ASB16: variants seen among roughly 807,000 people sequenced by gnomAD.
ASB16 encodes ankyrin repeat and SOCS box protein 16.
ASB16 carries 44 observed loss-of-function variants against 39.1 expected under a neutral mutation model. The observed-to-expected ratio is 1.13, with a 90% CI of 0.88 to 1.45. The LOEUF is 1.45. Ranked by LOEUF, ASB16 falls within the 40% of genes most tolerant of loss-of-function variation. The pLI is 0.00. For synonymous variants in ASB16, 305 were observed against 286.7 expected (o/e 1.06, Z -0.64); for missense variants, 698 against 634.5 (o/e 1.10, Z -1.07).
In ASB16 at chr17:44,178,482, T is replaced by C; in HGVS notation, c.*92T>C. 1 of 1,357,686 alleles carries C rather than the reference T, an allele frequency of 7.4e-7. No homozygotes were observed. Among genetic ancestry groups the C allele is most frequent in the Non-Finnish European group, 9.9e-7 (1 of 1,010,750 alleles). 84.1% of individuals were successfully genotyped at this position (1,357,686 alleles called of 1,614,324 possible). On this transcript the variant is annotated 3_prime_UTR_variant, in exon 5 of 5. Transcript: ENST00000293414. Reference sequence around the variant, plus strand: ...GGACCAGTTCCTGGCCCTCTTTTCTTTTCTTTTTGAGACCTAGTCTCACTC... The same window carrying C: ...GGACCAGTTCCTGGCCCTCTTTTCTCTTCTTTTTGAGACCTAGTCTCACTC...
In ASB16 at chr17:44,177,025, C is replaced by G. The variant is rs982685334; in HGVS notation, c.857C>G (p.Thr286Arg). The change falls in exon 3 of 5, where the codon ACG becomes AGG. Residue 286 changes from threonine (T) to arginine (R), a missense_variant. Thr to Arg is a moderately conservative substitution (Grantham distance 71). Transcript: ENST00000293414. Reference sequence around the variant, plus strand: ...CGGGCGGCCGGGCGCAAGCGCCACACGCCGCTGCACAACGCTTGTGCCAAC... The same window carrying G: ...CGGGCGGCCGGGCGCAAGCGCCACAGGCCGCTGCACAACGCTTGTGCCAAC... ...DARAAGRKRH[T>R]PLHNACANGC... 2 of 1,489,854 alleles carry G rather than the reference C, an allele frequency of 1.3e-6. No homozygotes were observed. Among genetic ancestry groups the G allele is most frequent in the Non-Finnish European group, 1.8e-6 (2 of 1,132,572 alleles). The allele number at this position is 1,489,854 out of a possible 1,614,324, so 92.3% of individuals were successfully genotyped here.
rs1385665870 is a variant in ASB16 at position 44,178,682 on chromosome 17, G to C, written c.*292G>C. The C allele has an allele frequency of 7.2e-6, 3 of 416,938 alleles. No individual in the cohort carries two copies. Among genetic ancestry groups the C allele is most frequent in the Non-Finnish European group, 1.3e-5 (3 of 227,702 alleles). The allele number at this position is 416,938 out of a possible 1,614,324, so 25.8% of individuals were successfully genotyped here. A position where few individuals can be genotyped will look rare whatever the true frequency, so the allele number is the denominator to read the frequency against. On this transcript the variant is annotated 3_prime_UTR_variant, in exon 5 of 5. Transcript: ENST00000293414. ...AGACAGGGTCTCACCATGTTGGCCAGGCTGGTCTCACACTGACCTCAGGTG... is the reference window on the plus strand; with the variant it reads ...AGACAGGGTCTCACCATGTTGGCCACGCTGGTCTCACACTGACCTCAGGTG...
intron 1 of ASB16, 104 bp from the exon 2 acceptor site, chr17:44,171,942 T>C: frequency 8.0e-7 from 1 of 1,248,630 alleles, no homozygotes; most frequent in East Asian, 2.5e-5. Flanking sequence ...CAGCAAACCA[T>C]GCAGAGGGAA....
Position 44,177,637 on chromosome 17 carries a change from G to T in ASB16, c.1091G>T (p.Arg364Leu). 2 of 1,613,866 alleles carry T rather than the reference G, an allele frequency of 1.2e-6. No homozygotes were observed. The highest frequency in any genetic ancestry group is 1.7e-6 in the Non-Finnish European group (2 of 1,179,842). Reference protein sequence around the residue: ...EMLKHCANFPRALEVLLNAYP... With the variant: ...EMLKHCANFPLALEVLLNAYP... The stretch of plus-strand genomic sequence containing the variant: ...CTGAAACACTGCGCCAACTTCCCTC[G>T]GGCCCTGGAAGTCCTGCTTAATGCC... Residue 364 changes from arginine to leucine, a missense_variant, in exon 4 of 5, where the codon CGG becomes CTG. Transcript: ENST00000293414.
intron 2 of ASB16, among the ~76,000 whole-genome samples, chr17:44,175,447 A>C (rs2054280401): frequency 6.6e-6 from 1 of 151,966 alleles, no homozygotes; most frequent in Non-Finnish European, 1.5e-5. Context: ...TTGGAAACAA[A>C]AATTAGCCCC....
intron 2 of ASB16, among the ~76,000 whole-genome samples, chr17:44,175,216 G>A (rs185134827): frequency 4.0e-5 from 6 of 151,196 alleles, no homozygotes; most frequent in East Asian, 1.9e-4. Flanking sequence ...TGGCTAACAC[G>A]GTGAAACCCC....
In ASB16 at chr17:44,177,643, TG is replaced by T. The variant is rs753976530; in HGVS notation, c.1099del (p.Glu367LysfsTer39). Reference sequence around the variant, plus strand: ...CACTGCGCCAACTTCCCTCGGGCCCTGGAAGTCCTGCTTAATGCCTATCCTT... The same window carrying T: ...CACTGCGCCAACTTCCCTCGGGCCCTGAAGTCCTGCTTAATGCCTATCCTT... ...LKHCANFPRA[L>X]EVLLNAYPCV... On this transcript the variant is annotated frameshift_variant, in exon 4 of 5. Transcript: ENST00000293414. LOFTEE classifies it high-confidence loss of function. 3.0e-5 allele frequency: 48 copies of T among 1,613,722 alleles called. No homozygotes were observed. Among genetic ancestry groups the T allele is most frequent in the Non-Finnish European group, 2.5e-5 (29 of 1,179,826 alleles).
chr17:44,177,163 C>G lies in ASB16; in HGVS notation c.995C>G (p.Pro332Arg). The G allele has an allele frequency of 6.5e-7, 1 of 1,529,594 alleles. No homozygotes were observed. The highest frequency in any genetic ancestry group is 2.4e-5 in the East Asian group (1 of 40,846). 94.8% of individuals were successfully genotyped at this position (1,529,594 alleles called of 1,614,324 possible). The change falls in exon 3 of 5, where the codon CCC becomes CGC. Residue 332 changes from proline to arginine, a missense_variant. Pro to Arg is a moderately radical substitution (Grantham distance 103, BLOSUM62 -2). Coordinates refer to ENST00000293414, the MANE Select transcript of ASB16 (RefSeq NM_080863.5). Reference sequence around the variant, plus strand: ...GCGCTGCAGGCCGTCCAGGACTCCCCCAACTGGGAGCCTGAAGTCCTTTTC... The same window carrying G: ...GCGCTGCAGGCCGTCCAGGACTCCCGCAACTGGGAGCCTGAAGTCCTTTTC... Reference protein sequence around the residue: ...DCALQAVQDSPNWEPEVLFAA... With the variant: ...DCALQAVQDSRNWEPEVLFAA...
At chr17:44,173,299 A>G (rs558260781) in intron 2 of ASB16, among the ~76,000 whole-genome samples, 19 of 151,726 alleles carry the variant, frequency 1.3e-4, no homozygotes, top group African/African-American at 4.4e-4. Flanking sequence ...AGGCTGAGGC[A>G]GGAGAATCGC....
At chr17:44,174,035 C>CT (rs1567730931) in intron 2 of ASB16, among the ~76,000 whole-genome samples, 6 of 127,804 alleles carry the variant, frequency 4.7e-5, no homozygotes, top group African/African-American at 6.5e-5. Context: ...CCACACCTGG[C>CT]TATTTTTTTT....
chr17:44,173,575 C>T (rs2054260548), intron 2 of ASB16, among the ~76,000 whole-genome samples: 1 of 151,972 alleles, frequency 6.6e-6, no homozygotes, highest in Non-Finnish European at 1.5e-5. Context: ...AGCCTCTAGT[C>T]CTAGCTACTC....
At position 44,176,930 on chromosome 17, in the gene ASB16, C is replaced by G. The variant is rs141590219; in HGVS notation, c.762C>G (p.Ala254=). ...ETALNTACAG[A]EGPGSCRRHQ... ...CGCTGAACACGGCGTGCGCTGGGGC[C>G]GAGGGCCCAGGTAGCTGCAGGCGAC... Residue 254 remains alanine, a synonymous_variant, in exon 3 of 5, where the codon GCC becomes GCG. Transcript: ENST00000293414. The G allele has an allele frequency of 1.8e-5, 28 of 1,538,108 alleles. No individual in the cohort carries two copies. The East Asian group carries it at 4.1e-4, about 23-fold the overall frequency.
chr17:44,178,073 T>G (rs1307650606), intron 4 of ASB16, 132 bp from the exon 5 acceptor site: 1 of 952,296 alleles, frequency 1.1e-6, no homozygotes, highest in Non-Finnish European at 1.6e-6. Context: ...TCTATGGTTC[T>G]GAATCTGAGT....
Position 44,177,095 on chromosome 17 carries a change from C to T in ASB16, c.927C>T (p.Arg309=), listed in dbSNP as rs2054306529. ...AGCTGCTGCTGCGTTACGGGGCCCG[C>T]GCTGAGGTCCCCAATGGGGCGGGCC... ...LAELLLRYGA[R]AEVPNGAGHT... is the part of the protein sequence containing the mutation. The change falls in exon 3 of 5, where the codon CGC becomes CGT. Residue 309 remains arginine (R), a synonymous_variant. Coordinates refer to ENST00000293414, the MANE Select transcript of ASB16 (RefSeq NM_080863.5). 6 of 1,480,994 alleles carry T rather than the reference C, an allele frequency of 4.1e-6. No homozygotes were observed. Among genetic ancestry groups the T allele is most frequent in the Non-Finnish European group, 5.3e-6 (6 of 1,125,596 alleles). 91.7% of individuals were successfully genotyped at this position (1,480,994 alleles called of 1,614,324 possible). A position where few individuals can be genotyped will look rare whatever the true frequency, so the allele number is the denominator to read the frequency against.
At chr17:44,177,474 G>A in intron 3 of ASB16, 135 bp from the exon 4 acceptor site, 10 of 1,247,286 alleles carry the variant, frequency 8.0e-6, no homozygotes, top group Middle Eastern at 2.0e-4. Context: ...GGTAGACAGA[G>A]GCACAAAAAA....
chr17:44,172,137 C>G lies in ASB16; in HGVS notation c.393C>G (p.Ile131Met). ...ACACAGACTGTGCTCGACACCTGAT[C>G]CGGCAGGGAGCTGAGCTGGATGCCC... ...RGYTDCARHLIRQGAELDARV... is the reference protein window; with the variant it reads ...RGYTDCARHLMRQGAELDARV... Residue 131 changes from isoleucine (I) to methionine (M), a missense_variant, in exon 2 of 5, where the codon ATC (isoleucine) becomes ATG (methionine). Ile to Met is a conservative substitution (Grantham distance 10). Coordinates refer to ENST00000293414, the MANE Select transcript of ASB16 (RefSeq NM_080863.5). The G allele has an allele frequency of 6.2e-7, 1 of 1,611,794 alleles. No individual in the cohort carries two copies. Among genetic ancestry groups the G allele is most frequent in the Non-Finnish European group, 8.5e-7 (1 of 1,180,006 alleles).
In ASB16 at chr17:44,178,288, C is replaced by T. The variant is rs372332977; in HGVS notation, c.1260C>T (p.Arg420=). 2.6e-5 allele frequency: 42 copies of T among 1,613,030 alleles called. No homozygotes were observed. Among genetic ancestry groups the T allele is most frequent in the Middle Eastern group, 1.7e-4 (1 of 5,990 alleles). The part of the protein sequence containing the change: ...QLQHLARLAV[R]ARLGSRCRQG... ...AGCACCTGGCCCGACTAGCTGTGCG[C>T]GCTCGGTTGGGAAGCCGCTGCCGGC... The change falls in exon 5 of 5, where the codon CGC becomes CGT. Residue 420 remains arginine, a synonymous_variant. Coordinates refer to ENST00000293414, the MANE Select transcript of ASB16 (RefSeq NM_080863.5).
intron 2 of ASB16, among the ~76,000 whole-genome samples, chr17:44,173,399 A>G (rs2054259414): frequency 6.6e-6 from 1 of 151,972 alleles, no homozygotes; most frequent in Non-Finnish European, 1.5e-5. Context: ...CTCAAAAAAA[A>G]AAAGACCTAT....
At chr17:44,176,007 T>G (rs1187894035) in intron 2 of ASB16, 2 of 152,104 alleles carry the variant, frequency 1.3e-5, no homozygotes, top group Non-Finnish European at 2.9e-5. Context: ...TTTAATTTTC[T>G]ATGCTTCATA....
Sources: allele counts gnomAD v4.1 joint callset (sites outside exome capture counted in the v4.1 genomes callset), GRCh38; gene constraint gnomAD v4.1.1; transcripts MANE v1.5; gene names NCBI Gene and HGNC (gene_info 2026-07-23, HGNC 2026-07-21).